The following XRCC6 variants were observed in gnomAD, a reference collection of about 807,000 sequenced individuals.
The protein encoded by XRCC6 is X-ray repair cross complementing 6.
XRCC6 carries 5 observed loss-of-function variants against 65.7 expected under a neutral mutation model. That is an observed-to-expected ratio of 0.08 (90% CI 0.04 to 0.16). The LOEUF is 0.16. Ranked by LOEUF, XRCC6 falls within the 10% of genes least tolerant of loss-of-function variation. The pLI, the probability that XRCC6 is intolerant of heterozygous loss-of-function variation, is 1.00. For missense variants in XRCC6, 447 were observed against 738.1 expected (o/e 0.61, Z 4.57); for synonymous variants, 270 against 270.6 (o/e 1.00, Z 0.02).
chr22:41,637,795 T>A lies in XRCC6; in HGVS notation c.773+4T>A, dbSNP rs777629309. 1.2e-6 allele frequency: 2 copies of A among 1,613,118 alleles called. No homozygotes were observed. The highest frequency in any genetic ancestry group is 1.7e-6 in the Non-Finnish European group (2 of 1,179,630). The stretch of plus-strand genomic sequence containing the variant: ...CCAGGAAGCGAGCACTCAGCAGGTG[T>A]GCACTCAGCCCGGGTCAGCTGCCTA... On this transcript the variant is annotated splice_donor_region_variant and intron_variant, in intron 6 of 12. Coordinates refer to ENST00000360079, the MANE Select transcript of XRCC6 (RefSeq NM_001469.5).
In XRCC6 at chr22:41,636,709, T is replaced by C. The variant is rs749810165; in HGVS notation, c.528T>C (p.His176=). The change falls in exon 5 of 13, where the codon CAT becomes CAC. Residue 176 remains histidine, a synonymous_variant. Transcript: ENST00000360079. ...IMLFTNEDNP[H]GNDSAKASRA... ...TGTTCACCAATGAAGACAACCCCCATGGCAATGACAGTGCCAAAGCCAGCC... is the reference window on the plus strand; with the variant it reads ...TGTTCACCAATGAAGACAACCCCCACGGCAATGACAGTGCCAAAGCCAGCC... The C allele has an allele frequency of 3.7e-6, 6 of 1,614,096 alleles. No homozygotes were observed. The highest frequency in any genetic ancestry group is 5.1e-6 in the Non-Finnish European group (6 of 1,180,022).
At chr22:41,642,037 C>T (rs1274657368) in intron 6 of XRCC6, among the ~76,000 whole-genome samples, 1 of 152,092 alleles carries the variant, frequency 6.6e-6, no homozygotes, top group Non-Finnish European at 1.5e-5. Flanking sequence ...GATCCACCTG[C>T]CTCAGGATCT....
Position 41,636,176 on chromosome 22 carries a change from T to G in XRCC6, c.259T>G (p.Phe87Val), listed in dbSNP as rs773949461. The G allele has an allele frequency of 2.5e-6, 4 of 1,609,204 alleles. No homozygotes were observed. The highest frequency in any genetic ancestry group is 3.4e-6 in the Non-Finnish European group (4 of 1,179,110). ...TGATCGAGATCTCTTGGCTGTGGTG[T>G]TCTATGGTACCGAGAAAGACAAAAA... Reference protein sequence around the residue: ...SSDRDLLAVVFYGTEKDKNSV... With the variant: ...SSDRDLLAVVVYGTEKDKNSV... Residue 87 changes from phenylalanine (F) to valine (V), a missense_variant, in exon 4 of 13, where the codon TTC becomes GTC. Phe to Val is a conservative substitution (Grantham distance 50, BLOSUM62 -1). This residue lies in a region of XRCC6 where 228 missense variants were observed against 307.4 expected (regional missense o/e 0.74). Coordinates refer to ENST00000360079, the MANE Select transcript of XRCC6 (RefSeq NM_001469.5).
At chr22:41,651,647 C>T (rs1380685315) in intron 8 of XRCC6, among the ~76,000 whole-genome samples, 3 of 151,392 alleles carry the variant, frequency 2.0e-5, no homozygotes, top group Non-Finnish European at 2.9e-5. Flanking sequence ...CCTTCCTCAG[C>T]CTCTGGAGTA....
At chr22:41,638,724 G>A (rs897520161) in intron 6 of XRCC6, among the ~76,000 whole-genome samples, 2 of 135,584 alleles carry the variant, frequency 1.5e-5, no homozygotes, top group Non-Finnish European at 3.0e-5. Context: ...GTGGCAGTGA[G>A]CCAAGATCAT....
At chr22:41,655,303 T>G (rs955398982) in intron 9 of XRCC6, among the ~76,000 whole-genome samples, 17 of 151,744 alleles carry the variant, frequency 1.1e-4, no homozygotes, top group Admixed American at 3.3e-4. Flanking sequence ...ACCACAAAAT[T>G]GTTAAGGGAA....
chr22:41,656,618 C>G (rs187910851), intron 9 of XRCC6, among the ~76,000 whole-genome samples: 2 of 152,112 alleles, frequency 1.3e-5, no homozygotes, highest in Non-Finnish European at 1.5e-5. Flanking sequence ...TGGTGCTGTC[C>G]GAGGTTTCAG....
At chr22:41,659,331 A>T (rs2068078604) in intron 11 of XRCC6, among the ~76,000 whole-genome samples, 1 of 152,106 alleles carries the variant, frequency 6.6e-6, no homozygotes, top group African/African-American at 2.4e-5. Flanking sequence ...CCTAGTGCCT[A>T]GCAAGGTAGT....
chr22:41,663,546 G>A, intron 12 of XRCC6, 76 bp from the exon 13 acceptor site: 1 of 1,500,914 alleles, frequency 6.7e-7, no homozygotes, highest in Non-Finnish European at 9.1e-7. Context: ...ATTATACGAG[G>A]TCCCCCATGC....
At chr22:41,639,407 C>T (rs1024402707) in intron 6 of XRCC6, among the ~76,000 whole-genome samples, 13 of 133,598 alleles carry the variant, frequency 9.7e-5, no homozygotes, top group Non-Finnish European at 4.6e-5. Context: ...GATCACAGCT[C>T]ACCTTAGCCT....
chr22:41,631,336 T>C (rs2067746964), intron 3 of XRCC6, among the ~76,000 whole-genome samples: 1 of 147,580 alleles, frequency 6.8e-6, no homozygotes, highest in Non-Finnish European at 1.5e-5. Context: ...CCAGATGGGG[T>C]GGCTGCCGGG....
chr22:41,638,980 T>C (rs959192034), intron 6 of XRCC6, among the ~76,000 whole-genome samples: 2 of 152,108 alleles, frequency 1.3e-5, no homozygotes, highest in African/African-American at 2.4e-5. Flanking sequence ...TACAGATGCA[T>C]GAGTGATGCC....
chr22:41,640,486 T>C lies in XRCC6; in HGVS notation c.773+2695T>C, dbSNP rs372425306. Among the ~76,000 whole-genome samples the C allele has an allele frequency of 3.0e-4, 46 of 152,280 alleles. No individual in the cohort carries two copies. In the South Asian group the frequency reaches 8.7e-3, roughly 29 times the overall value. ...TTTTGTAGACTTGGGGCTCTTGGTA[T>C]GTTAACCAGGCTGGTCTGAGACTCC... On this transcript the variant is annotated intron_variant, in intron 6 of 12. Transcript: ENST00000360079.
rs1390188802 is a variant in XRCC6, at chr22:41,653,682, C to T, written c.1283C>T (p.Thr428Ile). The T allele has an allele frequency of 6.2e-7, 1 of 1,613,930 alleles. No individual in the cohort carries two copies. Among genetic ancestry groups the T allele is most frequent in the South Asian group, 1.1e-5 (1 of 91,074 alleles). ...EELDDQKIQV[T>I]PPGFQLVFLP... ...TTGGATGACCAGAAAATTCAGGTGACTCCTCCAGGTATGTGGCAGAGATAT... is the reference window on the plus strand; with the variant it reads ...TTGGATGACCAGAAAATTCAGGTGATTCCTCCAGGTATGTGGCAGAGATAT... Residue 428 changes from threonine (T) to isoleucine (I), a missense_variant, in exon 9 of 13, where the codon ACT (threonine) becomes ATT (isoleucine). By Grantham distance (89) the Thr-to-Ile change is moderately conservative (BLOSUM62 -1). Around this residue, in one of 4 missense-constraint regions of XRCC6, gnomAD observed 201 missense variants for 374.1 expected, o/e 0.54. Transcript: ENST00000360079.
At chr22:41,643,607 G>A (rs1366988958) in intron 6 of XRCC6, among the ~76,000 whole-genome samples, 2 of 152,006 alleles carry the variant, frequency 1.3e-5, no homozygotes, top group East Asian at 1.9e-4. Flanking sequence ...GATCACCTGA[G>A]GTCAGTAGTG....
intron 11 of XRCC6, among the ~76,000 whole-genome samples, chr22:41,660,611 C>T (rs1601559168): frequency 6.6e-6 from 1 of 152,126 alleles, no homozygotes; most frequent in East Asian, 1.9e-4. Context: ...TCTCTGCTGG[C>T]CCTGTCCTCC....
Position 41,624,016 on chromosome 22 carries a change from C to T in XRCC6, c.82+1930C>T, listed in dbSNP as rs528479243. Among the ~76,000 whole-genome samples, 11 of 152,072 alleles carry T rather than the reference C, an allele frequency of 7.2e-5. No homozygotes were observed. The South Asian group carries it at 2.3e-3, about 32-fold the overall frequency. On this transcript the variant is annotated intron_variant, in intron 2 of 12. Transcript: ENST00000360079. ...GGAATTACAGGTGTGAGCCACTGTG[C>T]GTGGCCTATAGCTCATTTTAAATAT... is the stretch of plus-strand genomic sequence containing the variant.
intron 6 of XRCC6, among the ~76,000 whole-genome samples, 198 bp downstream of exon 6, chr22:41,637,989 C>T (rs1174940323): frequency 1.3e-5 from 2 of 149,382 alleles, no homozygotes; most frequent in African/African-American, 5.0e-5. Flanking sequence ...AAATCAGAAG[C>T]AATGCACTGC....
At chr22:41,645,914 T>G (rs1403972386) in intron 6 of XRCC6, among the ~76,000 whole-genome samples, 1 of 151,850 alleles carries the variant, frequency 6.6e-6, no homozygotes. Context: ...TTGGCCAAGC[T>G]GGTCTCGAGC....
Sources: gnomAD v4.1 joint callset for allele counts (sites outside exome capture counted in the v4.1 genomes callset) on GRCh38, gnomAD v4.1.1 for gene constraint, gnomAD v4.1.1 regional missense constraint, MANE v1.5 for transcripts, NCBI Gene and HGNC (gene_info 2026-07-23, HGNC 2026-07-21) for gene names.